Variants in OLFML3 observed in about 807,000 individuals in gnomAD.
OLFML3 encodes the protein olfactomedin-like protein 3.
A neutral mutation model predicts 36.0 loss-of-function variants in OLFML3; 26 were observed. That is an observed-to-expected ratio of 0.72 (90% confidence interval 0.53 to 1.00). The LOEUF is 1.00. Among genes scored for constraint, OLFML3 ranks in the 50% least tolerant of loss-of-function variants. The pLI, the probability that OLFML3 is intolerant of heterozygous loss-of-function variation, is 0.00. For synonymous variants in OLFML3, 184 were observed against 201.2 expected (o/e 0.91, Z 0.72); for missense variants, 503 against 519.4 (o/e 0.97, Z 0.31).
chr1:113,982,070 G>A lies in OLFML3; in HGVS notation c.*301G>A. The A allele has an allele frequency of 2.5e-6, 1 of 401,682 alleles. No homozygotes were observed. The highest frequency in any genetic ancestry group is 4.6e-6 in the Non-Finnish European group (1 of 216,686). The allele number at this position is 401,682 out of a possible 1,614,324, so 24.9% of individuals were successfully genotyped here. A position where few individuals can be genotyped will look rare whatever the true frequency, so the allele number is the denominator to read the frequency against. ...ACCCAGGGCTCTAACCTTGTATGCG[G>A]GCAGGCCCAGGGAGCAGGCAGCAGT... On this transcript the variant is annotated 3_prime_UTR_variant, in exon 3 of 3. Coordinates refer to ENST00000320334, the MANE Select transcript of OLFML3 (RefSeq NM_020190.5).
chr1:113,980,202 G>T (rs1673358635), intron 1 of OLFML3, 130 bp from the exon 2 acceptor site: 1 of 1,517,464 alleles, frequency 6.6e-7, no homozygotes, highest in Non-Finnish European at 8.8e-7. Context: ...CTTTTCTGCA[G>T]GAGTGGAAGG....
In OLFML3 at chr1:113,982,062, T is replaced by C; in HGVS notation, c.*293T>C. 2.4e-6 allele frequency: 1 copy of C among 414,918 alleles called. No homozygotes were observed. The highest frequency in any genetic ancestry group is 2.2e-5 in the South Asian group (1 of 44,550). The allele number at this position is 414,918 out of a possible 1,614,324, so 25.7% of individuals were successfully genotyped here. On this transcript the variant is annotated 3_prime_UTR_variant, in exon 3 of 3. Coordinates refer to ENST00000320334, the MANE Select transcript of OLFML3 (RefSeq NM_020190.5). ...TGCCCCAGACCCAGGGCTCTAACCT[T>C]GTATGCGGGCAGGCCCAGGGAGCAG... is the stretch of plus-strand genomic sequence containing the variant.
At position 113,979,538 on chromosome 1, in the gene OLFML3, C is replaced by T; in HGVS notation, c.22C>T (p.Leu8Phe). The T allele has an allele frequency of 6.2e-7, 1 of 1,614,078 alleles. No homozygotes were observed. The highest frequency in any genetic ancestry group is 8.5e-7 in the Non-Finnish European group (1 of 1,179,938). Residue 8 changes from leucine (L) to phenylalanine (F), a missense_variant, in exon 1 of 3, where the codon CTC (leucine) becomes TTC (phenylalanine). By Grantham distance (22) the Leu-to-Phe change is conservative. Transcript: ENST00000320334. Reference protein sequence around the residue: MGPSTPLLILFLLSWSGP... With the variant: MGPSTPLFILFLLSWSGP... Reference sequence around the variant, plus strand: ...TGCCATGGGGCCCAGCACCCCTCTCCTCATCTTGTTCCTTTTGTCATGGTC... The same window carrying T: ...TGCCATGGGGCCCAGCACCCCTCTCTTCATCTTGTTCCTTTTGTCATGGTC...
intron 2 of OLFML3, 42 bp downstream of exon 2, chr1:113,980,659 G>C (rs949509239): frequency 6.6e-7 from 1 of 1,508,990 alleles, no homozygotes; most frequent in Non-Finnish European, 8.9e-7. Flanking sequence ...TCTCAGAACC[G>C]ATATTCTTCC....
chr1:113,980,580 C>G lies in OLFML3; in HGVS notation c.363C>G (p.Gly121=). 1 of 1,609,844 alleles carries G rather than the reference C, an allele frequency of 6.2e-7. No homozygotes were observed. The highest frequency in any genetic ancestry group is 8.5e-7 in the Non-Finnish European group (1 of 1,178,214). Residue 121 remains glycine, a synonymous_variant, in exon 2 of 3, where the codon GGC becomes GGG. Transcript: ENST00000320334. ...EKVTGGPGTK[G]KGRRNEKYDM... ...TGACTGGAGGCCCTGGGACCAAAGG[C>G]AAGGGAAGAAGGAATGAGAAGTACG...
In OLFML3 at chr1:113,981,723, A is replaced by T. The variant is rs2101559218; in HGVS notation, c.1175A>T (p.Gln392Leu). The T allele has an allele frequency of 6.2e-7, 1 of 1,613,768 alleles. No homozygotes were observed. The highest frequency in any genetic ancestry group is 8.5e-7 in the Non-Finnish European group (1 of 1,179,966). Residue 392 changes from glutamine to leucine, a missense_variant, in exon 3 of 3, where the codon CAG (glutamine) becomes CTG (leucine). Coordinates refer to ENST00000320334, the MANE Select transcript of OLFML3 (RefSeq NM_020190.5). ...CTCTATGCCTGGGATGATGGCTACC[A>T]GATTGTCTATAAGCTGGAGATGAGG... ...RQLYAWDDGY[Q>L]IVYKLEMRKK...
chr1:113,981,081 A>G lies in OLFML3; in HGVS notation c.533A>G (p.Asp178Gly), dbSNP rs770492684. ...TACGTGTTAGATGGGACACAGAATG[A>G]CACAGCCTTTGTCTTCCCAAGGCTG... is the stretch of plus-strand genomic sequence containing the variant. ...KIYVLDGTQN[D>G]TAFVFPRLRD... The change falls in exon 3 of 3, where the codon GAC (aspartate) becomes GGC (glycine). Residue 178 changes from aspartate to glycine, a missense_variant. Transcript: ENST00000320334. 5 of 1,612,734 alleles carry G rather than the reference A, an allele frequency of 3.1e-6. No individual in the cohort carries two copies. In the South Asian group the frequency reaches 5.5e-5, roughly 18 times the overall value.
chr1:113,982,067 G>A lies in OLFML3; in HGVS notation c.*298G>A. 1 of 407,886 alleles carries A rather than the reference G, an allele frequency of 2.5e-6. No individual in the cohort carries two copies. The allele number at this position is 407,886 out of a possible 1,614,324, so 25.3% of individuals were successfully genotyped here. ...CAGACCCAGGGCTCTAACCTTGTAT[G>A]CGGGCAGGCCCAGGGAGCAGGCAGC... is the stretch of plus-strand genomic sequence containing the variant. On this transcript the variant is annotated 3_prime_UTR_variant, in exon 3 of 3. Transcript: ENST00000320334.
rs761410341 is a variant in OLFML3 at position 113,980,494 on chromosome 1, G to C, written c.277G>C (p.Glu93Gln). ...CGGGAGAGTGGATCGTCTGGAGCGG[G>C]AGGTAGACTATCTGGAGACCCAGAA... Reference protein sequence around the residue: ...ISGRVDRLEREVDYLETQNPA... With the variant: ...ISGRVDRLERQVDYLETQNPA... Residue 93 changes from glutamate to glutamine, a missense_variant, in exon 2 of 3, where the codon GAG (glutamate) becomes CAG (glutamine). Transcript: ENST00000320334. The C allele has an allele frequency of 1.9e-6, 3 of 1,614,184 alleles. No individual in the cohort carries two copies. Among genetic ancestry groups the C allele is most frequent in the African/African-American group, 1.3e-5 (1 of 75,044 alleles).
Position 113,981,294 on chromosome 1 carries a change from G to C in OLFML3, c.746G>C (p.Arg249Pro), listed in dbSNP as rs778043649. 11 of 1,603,382 alleles carry C rather than the reference G, an allele frequency of 6.9e-6. No individual in the cohort carries two copies. The highest frequency in any genetic ancestry group is 9.4e-6 in the Non-Finnish European group (11 of 1,174,140). ...CTAATCAAATTCCACCTGGCAAACCGAACAGTGGTGGACAGCTCAGTATTC... is the reference window on the plus strand; with the variant it reads ...CTAATCAAATTCCACCTGGCAAACCCAACAGTGGTGGACAGCTCAGTATTC... The part of the protein sequence containing the change: ...LQLIKFHLAN[R>P]TVVDSSVFPA... Residue 249 changes from arginine to proline, a missense_variant, in exon 3 of 3, where the codon CGA becomes CCA. Coordinates refer to ENST00000320334, the MANE Select transcript of OLFML3 (RefSeq NM_020190.5).
At position 113,979,633 on chromosome 1, in the gene OLFML3, G is replaced by GAA; in HGVS notation, c.114+4_114+5insAA. 6.3e-7 allele frequency: 1 copy of GAA among 1,599,862 alleles called. No individual in the cohort carries two copies. Among genetic ancestry groups the GAA allele is most frequent in the Non-Finnish European group, 8.6e-7 (1 of 1,166,970 alleles). ...AACGCCGACTAGCTGCTTTAGAGGTGAGGGACCCCTTTCTCTTCTAGCCCC... is the reference window on the plus strand; with the variant it reads ...AACGCCGACTAGCTGCTTTAGAGGTGAAAGGGACCCCTTTCTCTTCTAGCCCC... On this transcript the variant is annotated splice_donor_region_variant and intron_variant, in intron 1 of 2. Transcript: ENST00000320334.
chr1:113,979,697 G>A (rs1644304456), intron 1 of OLFML3, 67 bp downstream of exon 1: 13 of 1,204,532 alleles, frequency 1.1e-5, no homozygotes, highest in Non-Finnish European at 1.2e-5. Flanking sequence ...CAACCAGTTT[G>A]TTAGGGATCT....
chr1:113,981,288 C>G lies in OLFML3; in HGVS notation c.740C>G (p.Ala247Gly), dbSNP rs1485665730. The G allele has an allele frequency of 6.2e-7, 1 of 1,604,206 alleles. No individual in the cohort carries two copies. Among genetic ancestry groups the G allele is most frequent in the East Asian group, 2.2e-5 (1 of 44,788 alleles). The change falls in exon 3 of 3, where the codon GCA becomes GGA. Residue 247 changes from alanine to glycine, a missense_variant. Physicochemically the swap from Ala to Gly is moderately conservative, Grantham distance 60 (BLOSUM62 0). Transcript: ENST00000320334. Reference sequence around the variant, plus strand: ...TTGCAGCTAATCAAATTCCACCTGGCAAACCGAACAGTGGTGGACAGCTCA... The same window carrying G: ...TTGCAGCTAATCAAATTCCACCTGGGAAACCGAACAGTGGTGGACAGCTCA... ...NTLQLIKFHL[A>G]NRTVVDSSVF...
rs2055542 is a variant in OLFML3 at position 113,981,934 on chromosome 1, G to A, written c.*165G>A. On this transcript the variant is annotated 3_prime_UTR_variant, in exon 3 of 3. Transcript: ENST00000320334. ...TTCTTTCAGCTCCTTTGTTTCATACGGAACTCCAGATCCTGAGTAATCCTT... is the reference window on the plus strand; with the variant it reads ...TTCTTTCAGCTCCTTTGTTTCATACAGAACTCCAGATCCTGAGTAATCCTT... 0.013 allele frequency: 8,386 copies of A among 655,012 alleles called. 534 individuals carry two copies. The African/African-American group carries it at 0.14, about 11-fold the overall frequency. 40.6% of individuals were successfully genotyped at this position (655,012 alleles called of 1,614,324 possible).
Position 113,979,497 on chromosome 1 carries a change from G to GCAC in OLFML3, c.-16_-14dup. 1 of 1,561,516 alleles carries GCAC rather than the reference G, an allele frequency of 6.4e-7. No individual in the cohort carries two copies. Reference sequence around the variant, plus strand: ...CTGACTGTACGTTCCTTCTACTCTGGCACCACTCTCCAGGCTGCCATGGGG... The same window carrying GCAC: ...CTGACTGTACGTTCCTTCTACTCTGGCACCACCACTCTCCAGGCTGCCATGGGG... On this transcript the variant is annotated 5_prime_UTR_variant, in exon 1 of 3. Coordinates refer to ENST00000320334, the MANE Select transcript of OLFML3 (RefSeq NM_020190.5).
chr1:113,980,264 G>A (rs975822318), intron 1 of OLFML3, 68 bp from the exon 2 acceptor site: 5 of 1,524,660 alleles, frequency 3.3e-6, no homozygotes, highest in Admixed American at 4.2e-5. Context: ...CCTGACTCCC[G>A]AGTTGGGCCT....
chr1:113,981,743 A>G lies in OLFML3; in HGVS notation c.1195A>G (p.Met399Val). 1 of 1,613,228 alleles carries G rather than the reference A, an allele frequency of 6.2e-7. No homozygotes were observed. ...CTACCAGATTGTCTATAAGCTGGAG[A>G]TGAGGAAGAAAGAGGAGGAGGTTTG... ...DGYQIVYKLE[M>V]RKKEEEV The change falls in exon 3 of 3, where the codon ATG (methionine) becomes GTG (valine). Residue 399 changes from methionine (M) to valine (V), a missense_variant. Transcript: ENST00000320334.
At chr1:113,980,052 T>C in intron 1 of OLFML3, 2 of 1,546,182 alleles carry the variant, frequency 1.3e-6, no homozygotes, top group Non-Finnish European at 1.7e-6. Context: ...TTCATGCGCT[T>C]AGACCTGCCT....
chr1:113,981,237 G>A lies in OLFML3; in HGVS notation c.689G>A (p.Gly230Asp), dbSNP rs1038807122. Residue 230 changes from glycine to aspartate, a missense_variant, in exon 3 of 3, where the codon GGT (glycine) becomes GAT (aspartate). Coordinates refer to ENST00000320334, the MANE Select transcript of OLFML3 (RefSeq NM_020190.5). ...YFARRPPGRP[G>D]GGGEMENTLQ... ...GCTCGGAGGCCTCCTGGAAGACCTG[G>A]TGGAGGTGGTGAGATGGAGAACACT... The A allele has an allele frequency of 2.5e-6, 4 of 1,613,688 alleles. No homozygotes were observed. Among genetic ancestry groups the A allele is most frequent in the Admixed American group, 1.7e-5 (1 of 59,942 alleles).
Sources: allele counts gnomAD v4.1 joint callset, GRCh38; gene constraint gnomAD v4.1.1; transcripts MANE v1.5; gene names NCBI Gene and HGNC (gene_info 2026-07-23, HGNC 2026-07-21).